RFX4: variants seen among roughly 807,000 people sequenced by gnomAD.
The protein encoded by RFX4 is regulatory factor X4.
RFX4 carries 10 observed loss-of-function variants against 95.0 expected under a neutral mutation model. The ratio of observed to expected loss-of-function variants is 0.11; its 90% CI spans 0.06 to 0.18. The LOEUF (loss-of-function observed/expected upper bound fraction) is 0.18. RFX4 is among the 10% of genes least tolerant of loss of function. RFX4 has a pLI of 1.00. For missense variants in RFX4, 640 were observed against 922.0 expected (o/e 0.69, Z 3.96); for synonymous variants, 321 against 340.7 (o/e 0.94, Z 0.64).
At chr12:106,708,662 G>A (rs1160548092) in intron 8 of RFX4, among the ~76,000 whole-genome samples, 10 of 152,150 alleles carry the variant, frequency 6.6e-5, no homozygotes. Flanking sequence ...AACGAACCTA[G>A]GCCTGTGAGC....
At chr12:106,644,929 G>A (rs1002803939) in intron 3 of RFX4, among the ~76,000 whole-genome samples, 6 of 152,090 alleles carry the variant, frequency 3.9e-5, no homozygotes, top group African/African-American at 1.4e-4. Flanking sequence ...TAAGGCGCCC[G>A]CCACCCGCCT....
At chr12:106,745,765 T>A (rs528074330) in intron 15 of RFX4, among the ~76,000 whole-genome samples, 42 of 152,318 alleles carry the variant, frequency 2.8e-4, no homozygotes, top group African/African-American at 9.6e-4. Context: ...TCCCTTAAAT[T>A]CTTTCATGTT....
intron 13 of RFX4, among the ~76,000 whole-genome samples, chr12:106,724,841 G>T (rs761454182): frequency 6.6e-6 from 1 of 151,938 alleles, no homozygotes; most frequent in Non-Finnish European, 1.5e-5. Flanking sequence ...GTGAAACCCC[G>T]TCTCTACTAA....
chr12:106,709,192 G>C, intron 8 of RFX4, 138 bp from the exon 9 acceptor site: 2 of 691,242 alleles, frequency 2.9e-6, no homozygotes, highest in Non-Finnish European at 5.0e-6. Context: ...TGTTGGCACT[G>C]TCTCTGAGGT....
At chr12:106,688,567 T>C (rs949468057) in intron 6 of RFX4, among the ~76,000 whole-genome samples, 5 of 152,222 alleles carry the variant, frequency 3.3e-5, no homozygotes, top group Non-Finnish European at 7.3e-5. Flanking sequence ...AATGCATGTC[T>C]ATGTTCTAAA....
At chr12:106,754,368 ATTAAT>A (rs1157861503) in intron 17 of RFX4, among the ~76,000 whole-genome samples, 1 of 152,208 alleles carries the variant, frequency 6.6e-6, no homozygotes. Flanking sequence ...TCATTCATTC[ATTAAT>A]TTATTTCTCA....
At chr12:106,610,231 C>G (rs10861636) in intron 2 of RFX4, among the ~76,000 whole-genome samples, 34,222 of 136,946 alleles carry the variant, frequency 0.25, 4,307 homozygotes, top group South Asian at 0.29. Flanking sequence ...GAGTGAGACT[C>G]CATCTCAAAA....
intron 15 of RFX4, among the ~76,000 whole-genome samples, chr12:106,745,907 A>G (rs115980644): frequency 6.6e-6 from 1 of 152,204 alleles, no homozygotes; most frequent in Non-Finnish European, 1.5e-5. Flanking sequence ...TAGTATTGCT[A>G]TTAATGATTT....
At chr12:106,690,948 TTTGC>T (rs2041767899) in intron 7 of RFX4, among the ~76,000 whole-genome samples, 1 of 152,220 alleles carries the variant, frequency 6.6e-6, no homozygotes, top group Non-Finnish European at 1.5e-5. Flanking sequence ...TTTCATTTCA[TTTGC>T]TTAATTCCAA....
intron 4 of RFX4, among the ~76,000 whole-genome samples, chr12:106,681,666 C>T (rs988039637): frequency 6.6e-6 from 1 of 152,116 alleles, no homozygotes; most frequent in African/African-American, 2.4e-5. Flanking sequence ...GGTTTTAGTT[C>T]CAGGTGCTGT....
intron 2 of RFX4, among the ~76,000 whole-genome samples, chr12:106,621,903 T>A (rs981895177): frequency 2.0e-5 from 3 of 152,202 alleles, no homozygotes; most frequent in African/African-American, 7.2e-5. Flanking sequence ...GGCTTGTAGT[T>A]CCTCTAGTCC....
At chr12:106,652,061 C>A (rs1406848824) in intron 3 of RFX4, among the ~76,000 whole-genome samples, 1 of 152,186 alleles carries the variant, frequency 6.6e-6, no homozygotes, top group Non-Finnish European at 1.5e-5. Flanking sequence ...GATTTTCATT[C>A]ATACTGGACC....
intron 4 of RFX4, among the ~76,000 whole-genome samples, chr12:106,661,228 G>A (rs796815689): frequency 7.5e-4 from 114 of 152,248 alleles, no homozygotes; most frequent in African/African-American, 2.6e-3. Context: ...GGATCTTACC[G>A]TATTAGCCCA....
At chr12:106,629,086 T>C (rs2040363782) in intron 2 of RFX4, among the ~76,000 whole-genome samples, 1 of 152,164 alleles carries the variant, frequency 6.6e-6, no homozygotes, top group South Asian at 2.1e-4. Flanking sequence ...CACAAAAAAG[T>C]GGCATACTAT....
chr12:106,701,252 C>G, intron 8 of RFX4, among the ~76,000 whole-genome samples: 1 of 152,174 alleles, frequency 6.6e-6, no homozygotes, highest in East Asian at 1.9e-4. Flanking sequence ...CCTCTGTAGG[C>G]AGTGTGCCTT....
intron 7 of RFX4, among the ~76,000 whole-genome samples, chr12:106,692,694 T>C (rs2041807780): frequency 6.6e-6 from 1 of 152,188 alleles, no homozygotes; most frequent in Admixed American, 6.5e-5. Flanking sequence ...TTGGAATCAT[T>C]TGCCTCTGAT....
In RFX4 at chr12:106,711,429, A is replaced by G. The variant is rs375357133; in HGVS notation, c.935-24A>G. On this transcript the variant is annotated intron_variant, in intron 9 of 17. Coordinates refer to ENST00000392842, the MANE Select transcript of RFX4 (RefSeq NM_213594.3). The stretch of plus-strand genomic sequence containing the variant: ...GAATCATAAAGCATGCAAATATTTC[A>G]AACTAATTCTTTTCTCCTTGCAGTG... 1.4e-4 allele frequency: 218 copies of G among 1,606,420 alleles called. 1 individual carries two copies. The highest frequency in any genetic ancestry group is 1.7e-4 in the Non-Finnish European group (203 of 1,173,100).
chr12:106,607,160 G>A (rs566601534), intron 1 of RFX4, among the ~76,000 whole-genome samples: 7 of 152,240 alleles, frequency 4.6e-5, no homozygotes, highest in South Asian at 4.1e-4. Context: ...CATAGGTGTC[G>A]CCACTTCTGC....
intron 2 of RFX4, among the ~76,000 whole-genome samples, chr12:106,616,732 C>T (rs927080517): frequency 1.3e-4 from 19 of 151,938 alleles, no homozygotes. Flanking sequence ...AGTTTATTTA[C>T]ACTATGTTCA....
Sources: allele counts gnomAD v4.1 joint callset (sites outside exome capture counted in the v4.1 genomes callset), GRCh38; gene constraint gnomAD v4.1.1; transcripts MANE v1.5; gene names NCBI Gene and HGNC (gene_info 2026-07-23, HGNC 2026-07-21).